CLYBL: variants seen among roughly 807,000 people sequenced by gnomAD.
The protein encoded by CLYBL is citramalyl-CoA lyase, mitochondrial.
In CLYBL, 31 loss-of-function variants were observed where a neutral mutation model predicts 38.9. The observed-to-expected ratio is 0.80, with a 90% CI of 0.60 to 1.08. CLYBL has a LOEUF of 1.08. Among genes scored for constraint, CLYBL ranks in the 50% least tolerant of loss-of-function variants. The pLI, the probability that CLYBL is intolerant of heterozygous loss-of-function variation, is 0.00. For missense variants in CLYBL, 434 were observed against 411.6 expected, an observed-to-expected ratio of 1.05 and a Z score of -0.47; for synonymous variants, 171 against 158.6, an observed-to-expected ratio of 1.08 and a Z score of -0.59.
intron 1 of CLYBL, among the ~76,000 whole-genome samples, chr13:99,768,968 A>G (rs1340515239): frequency 6.6e-6 from 1 of 152,152 alleles, no homozygotes; most frequent in Non-Finnish European, 1.5e-5. Context: ...GGCCCTTTAA[A>G]TTACCTGGAG....
At chr13:99,812,113 A>G (rs774914080) in intron 2 of CLYBL, among the ~76,000 whole-genome samples, 4 of 152,212 alleles carry the variant, frequency 2.6e-5, no homozygotes, top group Non-Finnish European at 4.4e-5. Context: ...TCTTCCTCAT[A>G]GTGTGACTGT....
At chr13:99,900,658 C>T (rs1332277234), downstream of CLYBL, among the ~76,000 whole-genome samples, 1 of 152,198 alleles carries the variant, frequency 6.6e-6, no homozygotes, top group Non-Finnish European at 1.5e-5. Context: ...ACTAAACTCT[C>T]CAAATTCTCT....
downstream of CLYBL, chr13:99,893,892 C>G (rs1380357851): frequency 6.6e-6 from 1 of 152,466 alleles, no homozygotes; most frequent in Non-Finnish European, 1.5e-5. Context: ...CGCCACGCCA[C>G]TGCCCTCATC....
chr13:99,803,618 G>A (rs1050025268), intron 2 of CLYBL, among the ~76,000 whole-genome samples: 1 of 152,190 alleles, frequency 6.6e-6, no homozygotes. Flanking sequence ...TCTCACCTGG[G>A]GTTGATGTGT....
intron 2 of CLYBL, among the ~76,000 whole-genome samples, chr13:99,835,930 G>T (rs948374000): frequency 2.6e-5 from 4 of 152,220 alleles, no homozygotes; most frequent in Admixed American, 2.6e-4. Context: ...TGACCGCCCA[G>T]GGGCCAGGAC....
At chr13:99,791,122 C>T (rs9557308) in intron 2 of CLYBL, among the ~76,000 whole-genome samples, 25,772 of 151,976 alleles carry the variant, frequency 0.17, 2,849 homozygotes, top group East Asian at 0.37. Context: ...TACCAGCAGT[C>T]TGAGTTAGTG....
At chr13:99,837,393 T>G (rs565264472) in intron 2 of CLYBL, among the ~76,000 whole-genome samples, 19 of 152,220 alleles carry the variant, frequency 1.2e-4, no homozygotes, top group Non-Finnish European at 2.4e-4. Context: ...GAAGCTGCAG[T>G]GAGCACCGTA....
chr13:99,624,625 G>A (rs914481827), intron 1 of CLYBL, among the ~76,000 whole-genome samples: 3 of 152,158 alleles, frequency 2.0e-5, no homozygotes, highest in African/African-American at 7.2e-5. Flanking sequence ...ATGCAGTTGA[G>A]TTGTGGGCAG....
chr13:99,670,759 C>A (rs1401266870), intron 1 of CLYBL, among the ~76,000 whole-genome samples: 4 of 152,196 alleles, frequency 2.6e-5, no homozygotes, highest in Non-Finnish European at 5.9e-5. Context: ...TTCAGCTTGA[C>A]CCTCCACCCA....
chr13:99,835,271 C>T (rs979598063), intron 2 of CLYBL, among the ~76,000 whole-genome samples: 4 of 152,268 alleles, frequency 2.6e-5, no homozygotes. Context: ...ATTTCTCTCT[C>T]ACCCAACAGC....
chr13:99,684,926 A>G (rs1389601905), intron 1 of CLYBL, among the ~76,000 whole-genome samples: 3 of 152,234 alleles, frequency 2.0e-5, no homozygotes, highest in South Asian at 2.1e-4. Flanking sequence ...ATTAGAGTAC[A>G]TTATATATGT....
At chr13:99,835,705 G>A (rs1217568234) in intron 2 of CLYBL, among the ~76,000 whole-genome samples, 1 of 152,138 alleles carries the variant, frequency 6.6e-6, no homozygotes, top group Admixed American at 6.6e-5. Context: ...TGCATCCCCA[G>A]GACCTAGAAC....
intron 1 of CLYBL, among the ~76,000 whole-genome samples, chr13:99,685,035 G>A (rs1480542021): frequency 2.0e-5 from 3 of 152,184 alleles, no homozygotes; most frequent in African/African-American, 4.8e-5. Flanking sequence ...CCTCTAAGGG[G>A]GACTTAGCAA....
rs557285123 is a variant in CLYBL, at chr13:99,882,645, C to T, written c.928-8673C>T. ...TGCCATTGCACTCCAGCCTGGGAGA[C>T]GGGAGTGAGACCCTGTCTCAAAAAA... On this transcript the variant is annotated intron_variant, in intron 7 of 8. Transcript: ENST00000339105. 9.3e-5 allele frequency among the ~76,000 whole-genome samples: 14 copies of T among 151,196 alleles called. No individual in the cohort carries two copies. In the South Asian group the frequency reaches 2.3e-3, roughly 25 times the overall value.
At chr13:99,640,066 C>T (rs966873553) in intron 1 of CLYBL, among the ~76,000 whole-genome samples, 1 of 152,152 alleles carries the variant, frequency 6.6e-6, no homozygotes, top group Non-Finnish European at 1.5e-5. Context: ...TTTAATTAAA[C>T]AGAATAATCT....
At chr13:99,620,806 G>C (rs1050092218) in intron 1 of CLYBL, among the ~76,000 whole-genome samples, 2 of 140,352 alleles carry the variant, frequency 1.4e-5, no homozygotes, top group Non-Finnish European at 3.1e-5. Flanking sequence ...GAGAGAGAGA[G>C]AAAGAGAGAG....
intron 1 of CLYBL, among the ~76,000 whole-genome samples, chr13:99,668,310 G>C (rs2047513632): frequency 6.6e-6 from 1 of 151,108 alleles, no homozygotes; most frequent in Admixed American, 6.6e-5. Context: ...CTGGCGGCCG[G>C]GCATGGTAGC....
downstream of CLYBL, among the ~76,000 whole-genome samples, chr13:99,900,123 C>T (rs1432188386): frequency 6.6e-6 from 1 of 152,062 alleles, no homozygotes; most frequent in African/African-American, 2.4e-5. Context: ...GATGGGGTTT[C>T]ACCATGTTGG....
intron 1 of CLYBL, among the ~76,000 whole-genome samples, chr13:99,677,204 A>T (rs1310123090): frequency 6.6e-6 from 1 of 152,216 alleles, no homozygotes; most frequent in East Asian, 1.9e-4. Flanking sequence ...TATTGAAAAG[A>T]TCAGATTATT....
Sources: allele counts gnomAD v4.1 joint callset (sites outside exome capture counted in the v4.1 genomes callset), GRCh38; gene constraint gnomAD v4.1.1; transcripts MANE v1.5; gene names NCBI Gene and HGNC (gene_info 2026-07-23, HGNC 2026-07-21).